TRAPPC9: variants seen among roughly 807,000 people sequenced by gnomAD.
The protein encoded by TRAPPC9 is IKK2 binding protein.
Under a neutral mutation model 124.0 loss-of-function variants are expected in TRAPPC9, and 83 were observed. That is an observed-to-expected ratio of 0.67 (90% CI 0.56 to 0.80). TRAPPC9 has a LOEUF of 0.80. TRAPPC9 is among the 30% of genes least tolerant of loss of function. The pLI is 0.00. For missense variants in TRAPPC9, 1,302 were observed against 1,508.3 expected (o/e 0.86, Z 2.27); for synonymous variants, 638 against 617.5 (o/e 1.03, Z -0.49).
chr8:139,956,060 C>T (rs533337762), intron 19 of TRAPPC9, among the ~76,000 whole-genome samples: 31 of 152,366 alleles, frequency 2.0e-4, no homozygotes, highest in African/African-American at 7.0e-4. Flanking sequence ...GTGGCTGTGC[C>T]TAGAACCAGC....
chr8:140,220,547 C>T (rs1346368982), intron 17 of TRAPPC9, among the ~76,000 whole-genome samples: 2 of 152,178 alleles, frequency 1.3e-5, no homozygotes, highest in Non-Finnish European at 2.9e-5. Context: ...TAGCTCCTTC[C>T]AAGTTCAATC....
intron 17 of TRAPPC9, among the ~76,000 whole-genome samples, chr8:140,125,442 G>A (rs1417635314): frequency 1.3e-5 from 2 of 152,170 alleles, no homozygotes; most frequent in African/African-American, 4.8e-5. Flanking sequence ...TAACTGGCAT[G>A]GAACTCTGGA....
chr8:140,375,611 C>T (rs1029465019), intron 7 of TRAPPC9, among the ~76,000 whole-genome samples: 3 of 152,156 alleles, frequency 2.0e-5, no homozygotes, highest in African/African-American at 7.2e-5. Flanking sequence ...AATCTAATTA[C>T]GATTGTCAAA....
intron 17 of TRAPPC9, among the ~76,000 whole-genome samples, chr8:140,061,911 A>G (rs1183043870): frequency 6.6e-6 from 1 of 152,158 alleles, no homozygotes; most frequent in Admixed American, 6.5e-5. Context: ...CCAACATTAC[A>G]GGGAGCAGGG....
intron 15 of TRAPPC9, among the ~76,000 whole-genome samples, chr8:140,270,027 G>A (rs1487142969): frequency 3.3e-5 from 5 of 152,060 alleles, no homozygotes; most frequent in African/African-American, 1.2e-4. Flanking sequence ...TTGAACCTGG[G>A]AGGCGGAGGT....
intron 21 of TRAPPC9, among the ~76,000 whole-genome samples, chr8:139,823,810 T>A (rs571169646): frequency 9.2e-5 from 14 of 152,268 alleles, no homozygotes; most frequent in African/African-American, 3.1e-4. Context: ...CTGATGGGCA[T>A]CCTCAGGATA....
chr8:140,425,830 C>T (rs1021739170), intron 5 of TRAPPC9, among the ~76,000 whole-genome samples: 1 of 152,206 alleles, frequency 6.6e-6, no homozygotes, highest in Non-Finnish European at 1.5e-5. Context: ...CAAAACTAAG[C>T]ATTTGTTGTC....
intron 4 of TRAPPC9, among the ~76,000 whole-genome samples, chr8:140,430,400 C>T (rs2070596567): frequency 6.6e-6 from 1 of 152,116 alleles, no homozygotes; most frequent in Non-Finnish European, 1.5e-5. Context: ...CTCCCCCACC[C>T]AAGTGGAGTG....
intron 17 of TRAPPC9, among the ~76,000 whole-genome samples, chr8:140,127,063 C>T (rs925138445): frequency 5.3e-5 from 8 of 152,168 alleles, no homozygotes; most frequent in Non-Finnish European, 1.0e-4. Context: ...CTGGAGACAC[C>T]GCTTCTTCAC....
At chr8:140,376,602 A>G (rs2068447455) in intron 7 of TRAPPC9, among the ~76,000 whole-genome samples, 1 of 150,540 alleles carries the variant, frequency 6.6e-6, no homozygotes, top group Admixed American at 6.6e-5. Context: ...GAGGCCAGGC[A>G]ACGTGGCTCA....
chr8:140,145,118 C>T (rs887860354), intron 17 of TRAPPC9, among the ~76,000 whole-genome samples: 4 of 151,984 alleles, frequency 2.6e-5, no homozygotes, highest in South Asian at 4.2e-4. Flanking sequence ...TCAGGTGATC[C>T]GCCCACCTCA....
intron 8 of TRAPPC9, among the ~76,000 whole-genome samples, chr8:140,369,636 G>C (rs2068221304): frequency 6.6e-6 from 1 of 152,128 alleles, no homozygotes; most frequent in Admixed American, 6.5e-5. Context: ...CAGTGAAATG[G>C]ATGGACATGA....
chr8:140,019,921 G>A (rs1386593589), intron 18 of TRAPPC9, among the ~76,000 whole-genome samples: 5 of 152,066 alleles, frequency 3.3e-5, no homozygotes, highest in Middle Eastern at 3.2e-3. Flanking sequence ...TGGCACGATC[G>A]TAGGTCACTC....
intron 20 of TRAPPC9, among the ~76,000 whole-genome samples, chr8:139,890,027 C>T (rs541441470): frequency 6.6e-5 from 10 of 152,364 alleles, no homozygotes; most frequent in African/African-American, 2.2e-4. Context: ...GCATCTCCCA[C>T]GATGAGGACG....
At chr8:140,312,694 G>T (rs1260081681) in intron 9 of TRAPPC9, among the ~76,000 whole-genome samples, 1 of 151,158 alleles carries the variant, frequency 6.6e-6, no homozygotes, top group East Asian at 1.9e-4. Flanking sequence ...TCAGGCACAT[G>T]TATTAATTGT....
intron 9 of TRAPPC9, among the ~76,000 whole-genome samples, chr8:140,324,487 G>T (rs1305870516): frequency 6.6e-6 from 1 of 152,146 alleles, no homozygotes. Context: ...ATAAATAAAA[G>T]AGGCCAAGCA....
chr8:139,890,707 G>A lies in TRAPPC9; in HGVS notation c.2965-4738C>T, dbSNP rs573039599. ...TCATAACCCAGCACCTAGTTCAGGC[G>A]ATTCAGGCCCCAAGTGAGGTTAGAA... On this transcript the variant is annotated intron_variant, in intron 20 of 22. Coordinates refer to ENST00000438773, the MANE Select transcript of TRAPPC9 (RefSeq NM_001160372.4). Among the ~76,000 whole-genome samples the A allele has an allele frequency of 5.3e-5, 8 of 152,308 alleles. 1 individual carries two copies. In the South Asian group the frequency reaches 1.5e-3, roughly 28 times the overall value.
At position 139,978,170 on chromosome 8, in the gene TRAPPC9, G is replaced by A. The variant is rs555576474; in HGVS notation, c.2810+10556C>T. ...TGGGATGACAGGTGTGAGCCACGGC[G>A]CCCGGCTGAGGAACAAGTTTAAGAG... On this transcript the variant is annotated intron_variant, in intron 19 of 22. Transcript: ENST00000438773. Among the ~76,000 whole-genome samples, 82 of 152,302 alleles carry A rather than the reference G, an allele frequency of 5.4e-4. 1 individual carries two copies. The highest frequency in any genetic ancestry group is 1.8e-3 in the African/African-American group (74 of 41,562).
At chr8:139,978,138 A>G (rs1836612580) in intron 19 of TRAPPC9, among the ~76,000 whole-genome samples, 1 of 152,088 alleles carries the variant, frequency 6.6e-6, no homozygotes, top group South Asian at 2.1e-4. Context: ...TTGGCCTCCC[A>G]AAGTGCTGGG....
Sources: allele counts gnomAD v4.1 joint callset (sites outside exome capture counted in the v4.1 genomes callset), GRCh38; gene constraint gnomAD v4.1.1; transcripts MANE v1.5; gene names NCBI Gene and HGNC (gene_info 2026-07-23, HGNC 2026-07-21).